The following LYRM4 variants were observed in gnomAD, a reference collection of about 807,000 sequenced individuals.
LYRM4 encodes the protein LYR motif containing 4.
Under a neutral mutation model 11.7 loss-of-function variants are expected in LYRM4, and 9 were observed. The ratio of observed to expected loss-of-function variants is 0.77; its 90% CI spans 0.46 to 1.34. The LOEUF is 1.34. Among genes scored for constraint, LYRM4 ranks in the 40% most tolerant of loss-of-function variants. LYRM4 has a pLI of 0.00. For missense variants in LYRM4, 133 were observed against 112.5 expected, an observed-to-expected ratio of 1.18 and a Z score of -0.82; for synonymous variants, 42 against 40.4, an observed-to-expected ratio of 1.04 and a Z score of -0.15.
chr6:5,133,533 T>C (rs1764052057), intron 2 of LYRM4, among the ~76,000 whole-genome samples: 1 of 152,216 alleles, frequency 6.6e-6, no homozygotes, highest in Non-Finnish European at 1.5e-5. Flanking sequence ...AATATTCTGA[T>C]GCTCGGGTCA....
chr6:5,219,785 A>C (rs1762479997), intron 1 of LYRM4, among the ~76,000 whole-genome samples: 1 of 152,064 alleles, frequency 6.6e-6, no homozygotes, highest in African/African-American at 2.4e-5. Flanking sequence ...ACTGAGCAAG[A>C]ATATTTCAAA....
chr6:5,193,862 AAGGACATAT>A lies in LYRM4; in HGVS notation c.207+22747_207+22755del, dbSNP rs546902849. 2.7e-3 allele frequency among the ~76,000 whole-genome samples: 410 copies of A among 152,306 alleles called. 4 individuals are homozygous for A. The highest frequency in any genetic ancestry group is 9.6e-3 in the African/African-American group (397 of 41,568). On this transcript the variant is annotated intron_variant, in intron 2 of 2. Transcript: ENST00000330636. ...TTAGGAATTAAGAGAAACTCAGAAA[AAGGACATAT>A]AGTACCTAGGTACTTAAAATTTCCC...
intron 2 of LYRM4, among the ~76,000 whole-genome samples, chr6:5,173,486 A>G (rs1759543509): frequency 6.6e-6 from 1 of 152,250 alleles, no homozygotes; most frequent in Non-Finnish European, 1.5e-5. Flanking sequence ...AGTTCTAAGA[A>G]CAAATACCTG....
chr6:5,082,656 T>C, the LYRM4 span, among the ~76,000 whole-genome samples: 5 of 152,348 alleles, frequency 3.3e-5, 1 homozygote, highest in East Asian at 7.7e-4. Context: ...ATTGTTTCTG[T>C]CCCCAGTAAT....
chr6:5,221,907 C>G (rs1762604480), intron 1 of LYRM4, among the ~76,000 whole-genome samples: 2 of 152,216 alleles, frequency 1.3e-5, no homozygotes, highest in South Asian at 4.1e-4. Flanking sequence ...CTCTACTTCT[C>G]CAACTCCTCA....
chr6:5,243,404 A>G (rs946850511), intron 1 of LYRM4, among the ~76,000 whole-genome samples: 8 of 152,180 alleles, frequency 5.3e-5, no homozygotes, highest in African/African-American at 1.7e-4. Context: ...TTCTGAACAC[A>G]TTTTTCTCCA....
intron 2 of LYRM4, among the ~76,000 whole-genome samples, chr6:5,143,228 C>T (rs1430811580): frequency 3.5e-5 from 1 of 28,918 alleles, no homozygotes; most frequent in African/African-American, 1.4e-4. Flanking sequence ...AGTCAGCACA[C>T]CACTGTCATT....
chr6:5,248,804 T>C (rs553705464), intron 1 of LYRM4, among the ~76,000 whole-genome samples: 1 of 152,248 alleles, frequency 6.6e-6, no homozygotes, highest in Non-Finnish European at 1.5e-5. Context: ...TATCAGTCTA[T>C]GCCCCGAACT....
intron 1 of LYRM4, among the ~76,000 whole-genome samples, chr6:5,224,307 G>A (rs1762753758): frequency 6.6e-6 from 1 of 152,222 alleles, no homozygotes; most frequent in South Asian, 2.1e-4. Context: ...ATAGATGTGT[G>A]AATGTTCAGC....
At chr6:5,250,810 A>G (rs1394640172) in intron 1 of LYRM4, among the ~76,000 whole-genome samples, 15 of 152,268 alleles carry the variant, frequency 9.9e-5, no homozygotes, top group African/African-American at 3.6e-4. Context: ...CTATGTTCTT[A>G]CATATGGTAT....
chr6:5,097,248 ACAGTC>A, the LYRM4 span, among the ~76,000 whole-genome samples: 1 of 102,852 alleles, frequency 9.7e-6, no homozygotes, highest in Non-Finnish European at 2.2e-5. Flanking sequence ...TAGAAAGCCA[ACAGTC>A]TAATATATCT....
chr6:5,256,080 C>T (rs1267211610), intron 1 of LYRM4, among the ~76,000 whole-genome samples: 1 of 151,756 alleles, frequency 6.6e-6, no homozygotes, highest in East Asian at 2.0e-4. Context: ...GTTGGTCATG[C>T]CAAGATTGAG....
chr6:5,223,925 G>A (rs958354947), intron 1 of LYRM4, among the ~76,000 whole-genome samples: 4 of 152,066 alleles, frequency 2.6e-5, no homozygotes, highest in African/African-American at 9.7e-5. Flanking sequence ...TTGAGATAAC[G>A]GTCAACTGCA....
At chr6:5,187,129 C>T (rs911496745) in intron 2 of LYRM4, 7 of 655,924 alleles carry the variant, frequency 1.1e-5, no homozygotes, top group Non-Finnish European at 1.3e-5. Flanking sequence ...GCTAATAGCA[C>T]AAAATATTCT....
At chr6:5,219,796 G>T (rs1405429288) in intron 1 of LYRM4, among the ~76,000 whole-genome samples, 1 of 151,660 alleles carries the variant, frequency 6.6e-6, no homozygotes, top group Non-Finnish European at 1.5e-5. Flanking sequence ...ATATTTCAAA[G>T]AAAAATTTGC....
intron 2 of LYRM4, chr6:5,186,891 G>A (rs1350376250): frequency 2.3e-6 from 1 of 430,134 alleles, no homozygotes; most frequent in Non-Finnish European, 3.7e-6. Context: ...GGCTGAGGCA[G>A]GAGAATTGCT....
At chr6:5,217,775 G>A (rs1036832682) in intron 1 of LYRM4, among the ~76,000 whole-genome samples, 1 of 152,216 alleles carries the variant, frequency 6.6e-6, no homozygotes, top group Non-Finnish European at 1.5e-5. Context: ...ACAACAGACA[G>A]CTCAGCAGTC....
chr6:5,075,932 G>A, the LYRM4 span, among the ~76,000 whole-genome samples: 1 of 146,832 alleles, frequency 6.8e-6, no homozygotes, highest in Non-Finnish European at 1.5e-5. Flanking sequence ...CTGCTAACTG[G>A]GTTTATGTAT....
chr6:5,211,064 A>G (rs972059696), intron 2 of LYRM4, among the ~76,000 whole-genome samples: 7 of 152,152 alleles, frequency 4.6e-5, no homozygotes, highest in Non-Finnish European at 1.0e-4. Context: ...CTCTCAAACT[A>G]TCAAATATTA....
Sources: allele counts gnomAD v4.1 joint callset (sites outside exome capture counted in the v4.1 genomes callset), GRCh38; gene constraint gnomAD v4.1.1; transcripts MANE v1.5; gene names NCBI Gene and HGNC (gene_info 2026-07-23, HGNC 2026-07-21).